The following TEX14 variants were observed in gnomAD, a reference collection of about 807,000 sequenced individuals.
TEX14 encodes inactive serine/threonine-protein kinase TEX14.
In TEX14, 168 loss-of-function variants were observed where a neutral mutation model predicts 178.6. The ratio of observed to expected loss-of-function variants is 0.94; its 90% confidence interval spans 0.83 to 1.07. TEX14 has a LOEUF of 1.07. Ranked by LOEUF, TEX14 falls within the 50% of genes least tolerant of loss-of-function variation. TEX14 has a pLI of 0.00. For missense variants in TEX14, 1,730 were observed against 1,753.6 expected, an observed-to-expected ratio of 0.99 and a Z score of 0.24; for synonymous variants, 626 against 634.1, an observed-to-expected ratio of 0.99 and a Z score of 0.19.
At chr17:58,621,577 C>T (rs772503220) in intron 5 of TEX14, 73 bp downstream of exon 5, 53 of 1,481,872 alleles carry the variant, frequency 3.6e-5, no homozygotes, top group Non-Finnish European at 3.7e-5. Context: ...GCTGAGGCAA[C>T]CCATGCTGCA....
In TEX14 at chr17:58,652,069, T is replaced by C. The variant is rs564216077; in HGVS notation, c.-1-67A>G. The stretch of plus-strand genomic sequence containing the variant: ...GAAATGCAAGGAAACAACTTAATTC[T>C]TTTACATTTAGAAACCTGTCCAGCC... On this transcript the variant is annotated intron_variant, in intron 1 of 31. Transcript: ENST00000349033. 13 of 1,340,300 alleles carry C rather than the reference T, an allele frequency of 9.7e-6. No homozygotes were observed. In the East Asian group the frequency reaches 3.1e-4, roughly 32 times the overall value. 83.0% of individuals were successfully genotyped at this position (1,340,300 alleles called of 1,614,324 possible). A position where few individuals can be genotyped will look rare whatever the true frequency, so the allele number is the denominator to read the frequency against.
At chr17:58,684,602 C>T (rs956162502) in intron 1 of TEX14, among the ~76,000 whole-genome samples, 1 of 151,564 alleles carries the variant, frequency 6.6e-6, no homozygotes, top group African/African-American at 2.4e-5. Flanking sequence ...CACTGCACTC[C>T]AGCCTGGGCG....
chr17:58,658,184 A>T (rs1421695776), intron 1 of TEX14, among the ~76,000 whole-genome samples: 1 of 152,070 alleles, frequency 6.6e-6, no homozygotes, highest in Non-Finnish European at 1.5e-5. Flanking sequence ...GTAACAATAA[A>T]ACTCCGGTCT....
rs1274893525 is a variant in TEX14 at position 58,573,323 on chromosome 17, G to GCA, written c.3384-17_3384-16dup. 2.5e-6 allele frequency: 4 copies of GCA among 1,611,592 alleles called. 1 individual carries two copies. In the South Asian group the frequency reaches 4.4e-5, roughly 18 times the overall value. The stretch of plus-strand genomic sequence containing the variant: ...CCGTCAATGATCTAAAGAATTAAGA[G>GCA]CACACAGTAATGATGAGAAGATGAC... On this transcript the variant is annotated splice_polypyrimidine_tract_variant and intron_variant, in intron 22 of 31. Transcript: ENST00000349033.
At chr17:58,686,089 A>C (rs2047586604) in intron 1 of TEX14, among the ~76,000 whole-genome samples, 1 of 151,322 alleles carries the variant, frequency 6.6e-6, no homozygotes, top group African/African-American at 2.4e-5. Flanking sequence ...GGTGGCTCGC[A>C]CCTGTAATCC....
intron 1 of TEX14, among the ~76,000 whole-genome samples, chr17:58,654,903 C>T (rs2046918638): frequency 6.6e-6 from 1 of 151,990 alleles, no homozygotes; most frequent in Admixed American, 6.6e-5. Flanking sequence ...GACATTTCGG[C>T]ACCCCAAAAT....
chr17:58,677,402 A>C (rs1402259107), intron 1 of TEX14, among the ~76,000 whole-genome samples: 1 of 152,228 alleles, frequency 6.6e-6, no homozygotes, highest in Non-Finnish European at 1.5e-5. Context: ...TTAAGGGAAC[A>C]CAGCCAAGAA....
At chr17:58,671,232 A>T (rs2047299480) in intron 1 of TEX14, among the ~76,000 whole-genome samples, 1 of 152,200 alleles carries the variant, frequency 6.6e-6, no homozygotes, top group South Asian at 2.1e-4. Flanking sequence ...ATTTTGAGAA[A>T]TGAATAGACT....
At chr17:58,627,043 CCT>C (rs1308225597) in intron 3 of TEX14, among the ~76,000 whole-genome samples, 9 of 152,260 alleles carry the variant, frequency 5.9e-5, no homozygotes, top group African/African-American at 2.2e-4. Context: ...GGTTTGCCAT[CCT>C]CTCTTGTTAT....
At chr17:58,681,734 C>T (rs1462180369) in intron 1 of TEX14, among the ~76,000 whole-genome samples, 1 of 151,646 alleles carries the variant, frequency 6.6e-6, no homozygotes, top group African/African-American at 2.4e-5. Context: ...TCCCAGCTAC[C>T]CAGGAGGCTG....
At chr17:58,658,084 A>G (rs1480683362) in intron 1 of TEX14, among the ~76,000 whole-genome samples, 1 of 152,164 alleles carries the variant, frequency 6.6e-6, no homozygotes, top group African/African-American at 2.4e-5. Context: ...TTCCCTGACC[A>G]ATTAGCACTC....
rs1174436872 is a variant in TEX14 at position 58,602,585 on chromosome 17, T to C, written c.1342A>G (p.Ile448Val). 1.9e-6 allele frequency: 3 copies of C among 1,609,024 alleles called. No homozygotes were observed. Among genetic ancestry groups the C allele is most frequent in the Non-Finnish European group, 2.5e-6 (3 of 1,177,570 alleles). ...GAGCCATCTAAGCCCTTCCAGGGTA[T>C]GTCATCTGTAAGGAAAAAGTCATAC... ...MIMQEILTDD[I>V]PWKGLDGSVV... Residue 448 changes from isoleucine (I) to valine (V), a missense_variant, in exon 12 of 32, where the codon ATA becomes GTA. By Grantham distance (29) the Ile-to-Val change is conservative. Coordinates refer to ENST00000349033, the MANE Select transcript of TEX14 (RefSeq NM_031272.5).
chr17:58,569,388 G>A lies in TEX14; in HGVS notation c.3818-128C>T. On this transcript the variant is annotated intron_variant, in intron 25 of 31. Coordinates refer to ENST00000349033, the MANE Select transcript of TEX14 (RefSeq NM_031272.5). The surrounding 1 kb of genome is among the most constrained non-coding windows in gnomAD (Gnocchi z 4.1). ...AATGATGAAACAAACTAAGGAGGAA[G>A]GAAGCCTCTTACATAATAGTTCCAG... 5 of 691,470 alleles carry A rather than the reference G, an allele frequency of 7.2e-6. No individual in the cohort carries two copies. Among genetic ancestry groups the A allele is most frequent in the Non-Finnish European group, 1.2e-5 (5 of 400,546 alleles). The allele number at this position is 691,470 out of a possible 1,614,324, so 42.8% of individuals were successfully genotyped here.
At chr17:58,673,462 G>A (rs889963324) in intron 1 of TEX14, among the ~76,000 whole-genome samples, 5 of 150,212 alleles carry the variant, frequency 3.3e-5, no homozygotes, top group African/African-American at 7.4e-5. Context: ...CAGCCTACAC[G>A]ACAGAGTGAG....
At chr17:58,582,888 C>T (rs1231015145) in intron 19 of TEX14, among the ~76,000 whole-genome samples, 2 of 151,788 alleles carry the variant, frequency 1.3e-5, no homozygotes, top group East Asian at 3.9e-4. Flanking sequence ...TTTAGCATCT[C>T]TGCTCCACCC....
intron 1 of TEX14, among the ~76,000 whole-genome samples, chr17:58,689,945 G>T (rs148430151): frequency 1.3e-5 from 2 of 151,138 alleles, no homozygotes; most frequent in African/African-American, 4.9e-5. Context: ...CGCCTCCTGG[G>T]TTCATGCAAT....
At chr17:58,609,266 C>T (rs991490761) in intron 10 of TEX14, among the ~76,000 whole-genome samples, 5 of 152,184 alleles carry the variant, frequency 3.3e-5, no homozygotes, top group Non-Finnish European at 5.9e-5. Context: ...CCTGCCACCA[C>T]GCCCGGCTAA....
chr17:58,691,380 C>T (rs891759689), intron 1 of TEX14, among the ~76,000 whole-genome samples: 48 of 151,850 alleles, frequency 3.2e-4, no homozygotes, highest in Non-Finnish European at 1.0e-4. Flanking sequence ...AGAATCATTG[C>T]CAACAGGGCC....
At chr17:58,682,406 T>C (rs1455358193) in intron 1 of TEX14, among the ~76,000 whole-genome samples, 1 of 151,950 alleles carries the variant, frequency 6.6e-6, no homozygotes, top group Non-Finnish European at 1.5e-5. Flanking sequence ...TACAAGCACA[T>C]GCCACCATGC....
Sources: gnomAD v4.1 joint callset for allele counts (sites outside exome capture counted in the v4.1 genomes callset) on GRCh38, gnomAD v4.1.1 for gene constraint, Gnocchi (gnomAD v3.1) non-coding constraint, MANE v1.5 for transcripts, NCBI Gene and HGNC (gene_info 2026-07-23, HGNC 2026-07-21) for gene names.